Variants in FER1L6 observed in about 807,000 individuals in gnomAD.
FER1L6 encodes fer-1 like family member 6.
A neutral mutation model predicts 219.2 loss-of-function variants in FER1L6; 177 were observed. The observed-to-expected ratio is 0.81, with a 90% CI of 0.71 to 0.91. The LOEUF is 0.91. Ranked by LOEUF, FER1L6 falls within the 40% of genes least tolerant of loss-of-function variation. FER1L6 has a pLI of 0.00. For synonymous variants in FER1L6, 768 were observed against 824.3 expected, an observed-to-expected ratio of 0.93 and a Z score of 1.17; for missense variants, 2,153 against 2,259.9, an observed-to-expected ratio of 0.95 and a Z score of 0.96.
intron 40 of FER1L6, 31 bp from the exon 41 acceptor site, chr8:124,119,576 C>G: frequency 6.8e-7 from 1 of 1,467,348 alleles, no homozygotes; most frequent in Non-Finnish European, 9.5e-7. Context: ...CAGGATGCCC[C>G]CTTTTTGATT....
intron 15 of FER1L6, among the ~76,000 whole-genome samples, chr8:124,014,715 T>C (rs1032706427): frequency 3.9e-5 from 6 of 152,306 alleles, no homozygotes; most frequent in Admixed American, 3.3e-4. Flanking sequence ...TGAGTACCAA[T>C]TAGTAACCCT....
Position 124,119,792 on chromosome 8 carries a change from G to A in FER1L6, c.*2G>A. The A allele has an allele frequency of 8.7e-6, 14 of 1,613,294 alleles. No homozygotes were observed. The highest frequency in any genetic ancestry group is 1.1e-5 in the Non-Finnish European group (13 of 1,179,694). On this transcript the variant is annotated 3_prime_UTR_variant, in exon 41 of 41. Transcript: ENST00000522917. ...CGAAGGATCGTTGTGGGCTCATAGAGGATCATGGAGGACCCAGATCCTCGC... is the reference window on the plus strand; with the variant it reads ...CGAAGGATCGTTGTGGGCTCATAGAAGATCATGGAGGACCCAGATCCTCGC...
At chr8:123,901,868 G>A (rs1012344385) in intron 1 of FER1L6, among the ~76,000 whole-genome samples, 7 of 151,616 alleles carry the variant, frequency 4.6e-5, no homozygotes, top group African/African-American at 1.5e-4. Flanking sequence ...ATAGGTGCCC[G>A]CCACCACGCC....
chr8:124,052,868 TTC>T (rs1255721988), intron 22 of FER1L6, among the ~76,000 whole-genome samples: 1 of 152,234 alleles, frequency 6.6e-6, no homozygotes, highest in Non-Finnish European at 1.5e-5. Context: ...TTCATTGGTT[TTC>T]TTTTTAAAGT....
chr8:123,950,016 T>C (rs1007934140), intron 1 of FER1L6, among the ~76,000 whole-genome samples: 3 of 152,062 alleles, frequency 2.0e-5, no homozygotes, highest in African/African-American at 7.2e-5. Context: ...GGCTTAAAGG[T>C]TGATTTCTTG....
intron 34 of FER1L6, among the ~76,000 whole-genome samples, chr8:124,092,478 C>T (rs1822075880): frequency 6.6e-6 from 1 of 152,120 alleles, no homozygotes; most frequent in African/African-American, 2.4e-5. Flanking sequence ...CCTATTTTAA[C>T]ACCAAGTCGT....
At chr8:123,860,120 T>TCCCTACC (rs1816720845) in intron 1 of FER1L6, among the ~76,000 whole-genome samples, 1 of 86,564 alleles carries the variant, frequency 1.2e-5, no homozygotes, top group African/African-American at 5.1e-5. Context: ...CCCAATGCTA[T>TCCCTACC]CCCTCCCCCC....
chr8:124,114,893 G>T (rs1823171960), intron 39 of FER1L6, among the ~76,000 whole-genome samples: 2 of 74,694 alleles, frequency 2.7e-5, no homozygotes, highest in African/African-American at 4.6e-5. Flanking sequence ...GTGTGTGTGT[G>T]CGTATATATA....
At chr8:124,112,056 A>G (rs1823041668) in intron 39 of FER1L6, among the ~76,000 whole-genome samples, 1 of 152,192 alleles carries the variant, frequency 6.6e-6, no homozygotes, top group Non-Finnish European at 1.5e-5. Context: ...GGTGTAATGG[A>G]AAACTCCTGC....
intron 2 of FER1L6, among the ~76,000 whole-genome samples, chr8:123,958,492 C>T (rs1815118546): frequency 6.6e-6 from 1 of 152,164 alleles, no homozygotes; most frequent in South Asian, 2.1e-4. Context: ...ACTGCTCTCT[C>T]TCTCTGCTAA....
At chr8:124,078,977 C>A (rs1443614459) in intron 32 of FER1L6, among the ~76,000 whole-genome samples, 1 of 152,116 alleles carries the variant, frequency 6.6e-6, no homozygotes. Flanking sequence ...TGCAAGGGAG[C>A]CTCTATTCCC....
In FER1L6 at chr8:124,037,935, T is replaced by C. The variant is rs895484194; in HGVS notation, c.2465-1947T>C. ...TTCTGGCCTAGAGGGAGCAGTGTTG[T>C]CTCCTTGTTGGTTCTTCTCCCTGAC... On this transcript the variant is annotated intron_variant, in intron 19 of 40. Transcript: ENST00000522917. Among the ~76,000 whole-genome samples, 4 of 152,088 alleles carry C rather than the reference T, an allele frequency of 2.6e-5. No individual in the cohort carries two copies. The East Asian group carries it at 5.8e-4, about 22-fold the overall frequency.
intron 13 of FER1L6, among the ~76,000 whole-genome samples, chr8:124,008,787 A>T (rs1817780992): frequency 6.6e-6 from 1 of 151,576 alleles, no homozygotes; most frequent in Non-Finnish European, 1.5e-5. Flanking sequence ...GCAAGAAAAA[A>T]AACTCATCAA....
Position 124,061,812 on chromosome 8 carries a change from G to C in FER1L6, c.3148-40G>C, listed in dbSNP as rs758686381. ...CTGGCTTTGGGTCTGCCCATGGAAG[G>C]GTCACCAGGCCCCTTCTTCATCTCA... On this transcript the variant is annotated intron_variant, in intron 24 of 40. Transcript: ENST00000522917. 11 of 1,606,294 alleles carry C rather than the reference G, an allele frequency of 6.8e-6. No homozygotes were observed. The East Asian group carries it at 1.6e-4, about 23-fold the overall frequency.
intron 1 of FER1L6, among the ~76,000 whole-genome samples, chr8:123,951,635 A>AT (rs751867087): frequency 5.3e-5 from 8 of 152,222 alleles, no homozygotes; most frequent in African/African-American, 1.7e-4. Flanking sequence ...AAATTTTGTG[A>AT]TTTTGTTTTG....
chr8:124,093,466 C>A (rs1041009047), intron 34 of FER1L6, among the ~76,000 whole-genome samples: 1 of 151,864 alleles, frequency 6.6e-6, no homozygotes, highest in African/African-American at 2.4e-5. Context: ...ACTTTGATAC[C>A]AAGATTTCCT....
chr8:123,877,296 C>G (rs754016508), intron 1 of FER1L6, among the ~76,000 whole-genome samples: 1 of 152,222 alleles, frequency 6.6e-6, no homozygotes, highest in African/African-American at 2.4e-5. Flanking sequence ...CAGTTTTATC[C>G]AACCCTCCTC....
chr8:123,853,718 A>G lies in FER1L6; in HGVS notation c.-8+1533A>G, dbSNP rs1242453559. 5.3e-5 allele frequency among the ~76,000 whole-genome samples: 8 copies of G among 152,212 alleles called. No homozygotes were observed. The highest frequency in any genetic ancestry group is 1.7e-4 in the African/African-American group (7 of 41,464). On this transcript the variant is annotated intron_variant, in intron 1 of 40. Transcript: ENST00000522917. This position sits in a 1 kb window ranked among gnomAD's most constrained non-coding sequence, Gnocchi z 6.6. ...TGCAGGTGACATGCTCATGGCTATG[A>G]TGAAGACCTGGAGGAGGAAAAGGCC...
In FER1L6 at chr8:123,977,617, C is replaced by G. The variant is rs759570750; in HGVS notation, c.1063+8C>G. The G allele has an allele frequency of 6.2e-7, 1 of 1,612,570 alleles. No individual in the cohort carries two copies. Among genetic ancestry groups the G allele is most frequent in the Admixed American group, 1.7e-5 (1 of 59,972 alleles). On this transcript the variant is annotated splice_region_variant and intron_variant, in intron 10 of 40. Coordinates refer to ENST00000522917, the MANE Select transcript of FER1L6 (RefSeq NM_001039112.2). ...AACAGGATGGAGACAAAGGTAAAGT[C>G]CCATCCATCTGACTTGAAAAATGTC...
Sources: gnomAD v4.1 joint callset for allele counts (sites outside exome capture counted in the v4.1 genomes callset) on GRCh38, gnomAD v4.1.1 for gene constraint, Gnocchi (gnomAD v3.1) non-coding constraint, MANE v1.5 for transcripts, NCBI Gene and HGNC (gene_info 2026-07-23, HGNC 2026-07-21) for gene names.